Variants in NGB observed in about 807,000 individuals in gnomAD.
NGB encodes nitrite reductase.
A neutral mutation model predicts 17.3 loss-of-function variants in NGB; 12 were observed. That is an observed-to-expected ratio of 0.69 (90% CI 0.45 to 1.13). The LOEUF (loss-of-function observed/expected upper bound fraction) is 1.13, where lower values mean the gene tolerates loss of function less well. NGB is among the 50% of genes most tolerant of loss of function. The pLI, the probability that NGB is intolerant of heterozygous loss-of-function variation, is 0.00. For synonymous variants in NGB, 87 were observed against 81.0 expected (o/e 1.07, Z -0.40); for missense variants, 195 against 191.7 (o/e 1.02, Z -0.10).
At chr14:77,270,776 G>A (rs897354665) in intron 1 of NGB, 73 bp downstream of exon 1, 3 of 1,315,214 alleles carry the variant, frequency 2.3e-6, no homozygotes, top group African/African-American at 3.0e-5. Context: ...CTTCGGGGCC[G>A]GTCCTGCCGC....
rs1566636591 is a variant in NGB at position 77,266,576 on chromosome 14, GCCC to G, written c.413_415del (p.Gly138del). On this transcript the variant is annotated inframe_deletion, in exon 4 of 4. Transcript: ENST00000298352. ...GCCTCGACTCATGGCCTGCACTACG[GCCC>G]CGTAGAGTTGGCTCCAGGCAGCCCG... 1.9e-6 allele frequency: 3 copies of G among 1,614,148 alleles called. No homozygotes were observed. Among genetic ancestry groups the G allele is most frequent in the Non-Finnish European group, 2.5e-6 (3 of 1,180,028 alleles).
At chr14:77,268,012 CA>C (rs1889697065) in intron 3 of NGB, among the ~76,000 whole-genome samples, 1 of 152,266 alleles carries the variant, frequency 6.6e-6, no homozygotes, top group Non-Finnish European at 1.5e-5. Context: ...TGAATGACAA[CA>C]AATCACAGGG....
At position 77,266,515 on chromosome 14, in the gene NGB, G is replaced by C. The variant is rs1445259356; in HGVS notation, c.*21C>G. On this transcript the variant is annotated 3_prime_UTR_variant, in exon 4 of 4. Transcript: ENST00000298352. ...AACAGACAGACACAGATGGATGGGG[G>C]CTGCCGGGCGGGGTCGCCTCTTACT... The C allele has an allele frequency of 1.9e-6, 3 of 1,604,680 alleles. No individual in the cohort carries two copies. In the African/African-American group the frequency reaches 4.0e-5, roughly 21 times the overall value.
At chr14:77,270,537 G>A (rs902327642) in intron 1 of NGB, among the ~76,000 whole-genome samples, 1 of 152,230 alleles carries the variant, frequency 6.6e-6, no homozygotes, top group African/African-American at 2.4e-5. Flanking sequence ...GGGTGGAGGC[G>A]CCGCGCAGGG....
chr14:77,268,424 C>T (rs368885569), intron 3 of NGB, 42 bp downstream of exon 3: 17 of 1,599,832 alleles, frequency 1.1e-5, no homozygotes, highest in African/African-American at 2.7e-5. Flanking sequence ...GAAGTGGCCC[C>T]AGGCCAGGAG....
At chr14:77,269,485 C>T (rs940642473) in intron 1 of NGB, among the ~76,000 whole-genome samples, 159 bp from the exon 2 acceptor site, 1 of 152,122 alleles carries the variant, frequency 6.6e-6, no homozygotes, top group African/African-American at 2.4e-5. Context: ...CCGCCAGCTT[C>T]GGTAGTGCCC....
intron 2 of NGB, 73 bp downstream of exon 2, chr14:77,269,142 A>G: frequency 6.0e-6 from 6 of 993,902 alleles, no homozygotes; most frequent in Non-Finnish European, 9.3e-6. Context: ...GCAGAAAGTC[A>G]TTTTCTCCAT....
At chr14:77,269,637 T>C (rs999552995) in intron 1 of NGB, among the ~76,000 whole-genome samples, 13 of 150,906 alleles carry the variant, frequency 8.6e-5, no homozygotes, top group African/African-American at 3.2e-4. Flanking sequence ...ACAGGAAACC[T>C]GGAGTTACGT....
chr14:77,270,185 G>A (rs1889751453), intron 1 of NGB, among the ~76,000 whole-genome samples: 1 of 152,094 alleles, frequency 6.6e-6, no homozygotes, highest in African/African-American at 2.4e-5. Context: ...AGCAGTGCCC[G>A]GTTGGTGATA....
rs1256278651 is a variant in NGB at position 77,266,816 on chromosome 14, G to T, written c.322-146C>A. On this transcript the variant is annotated intron_variant, in intron 3 of 3. Transcript: ENST00000298352. ...ATTGAGTCCATGCTTCCTGAGCAGG[G>T]TCCTACCCAAATCCTTGGGTATCAC... 3 of 826,510 alleles carry T rather than the reference G, an allele frequency of 3.6e-6. No individual in the cohort carries two copies. In the East Asian group the frequency reaches 8.3e-5, roughly 23 times the overall value. 51.2% of individuals were successfully genotyped at this position (826,510 alleles called of 1,614,324 possible). A position where few individuals can be genotyped will look rare whatever the true frequency, so the allele number is the denominator to read the frequency against.
chr14:77,266,337 A>T lies in NGB; in HGVS notation c.*199T>A. 1 of 811,352 alleles carries T rather than the reference A, an allele frequency of 1.2e-6. No individual in the cohort carries two copies. Among genetic ancestry groups the T allele is most frequent in the Non-Finnish European group, 2.2e-6 (1 of 448,282 alleles). The allele number at this position is 811,352 out of a possible 1,614,324, so 50.3% of individuals were successfully genotyped here. On this transcript the variant is annotated 3_prime_UTR_variant, in exon 4 of 4. Transcript: ENST00000298352. Reference sequence around the variant, plus strand: ...TACTGGGGATGAGGGGACACCCAGAAGCCCCTTCCTGGAGGAAAAGCCACT... The same window carrying T: ...TACTGGGGATGAGGGGACACCCAGATGCCCCTTCCTGGAGGAAAAGCCACT...
intron 3 of NGB, 111 bp from the exon 4 acceptor site, chr14:77,266,781 C>T: frequency 8.1e-7 from 1 of 1,239,394 alleles, no homozygotes; most frequent in Non-Finnish European, 1.1e-6. Flanking sequence ...GGCCTTTTTT[C>T]CTCTCCTGCA....
chr14:77,266,457 C>T lies in NGB; in HGVS notation c.*79G>A. ...GGACAAGGACCAAGATGCAGGGAAGCTTGGGGAGCCTGGGCTACAACAGAT... is the reference window on the plus strand; with the variant it reads ...GGACAAGGACCAAGATGCAGGGAAGTTTGGGGAGCCTGGGCTACAACAGAT... On this transcript the variant is annotated 3_prime_UTR_variant, in exon 4 of 4. Transcript: ENST00000298352. 6.4e-7 allele frequency: 1 copy of T among 1,564,360 alleles called. No individual in the cohort carries two copies. The highest frequency in any genetic ancestry group is 8.7e-7 in the Non-Finnish European group (1 of 1,149,824).
rs550281167 is a variant in NGB, at chr14:77,267,514, C to T, written c.322-844G>A. 3.9e-5 allele frequency among the ~76,000 whole-genome samples: 6 copies of T among 152,186 alleles called. No individual in the cohort carries two copies. The South Asian group carries it at 1.2e-3, about 32-fold the overall frequency. ...TGTGATCACATCACTGTACTCCAGCCTAGGCGACAGAGCAAGATTCTGTCC... is the reference window on the plus strand; with the variant it reads ...TGTGATCACATCACTGTACTCCAGCTTAGGCGACAGAGCAAGATTCTGTCC... On this transcript the variant is annotated intron_variant, in intron 3 of 3. Coordinates refer to ENST00000298352, the MANE Select transcript of NGB (RefSeq NM_021257.4).
At chr14:77,268,376 G>A in intron 3 of NGB, 90 bp downstream of exon 3, 1 of 1,394,914 alleles carries the variant, frequency 7.2e-7, no homozygotes, top group Non-Finnish European at 9.8e-7. Flanking sequence ...TATGGGAATG[G>A]GAGAGAGAAC....
At chr14:77,270,739 C>G (rs1413594403) in intron 1 of NGB, 110 bp downstream of exon 1, 1 of 992,418 alleles carries the variant, frequency 1.0e-6, no homozygotes, top group Non-Finnish European at 1.5e-6. Flanking sequence ...GGCGCCCCAG[C>G]GCCCCGGCAG....
At position 77,269,187 on chromosome 14, in the gene NGB, G is replaced by A. The variant is rs759728507; in HGVS notation, c.201+28C>T. ...GGGAGGTGCTCTGCTGGATCCCAGA[G>A]GTCACAGCAGCTCTGCCTCCCTCTC... On this transcript the variant is annotated intron_variant, in intron 2 of 3. Coordinates refer to ENST00000298352, the MANE Select transcript of NGB (RefSeq NM_021257.4). 13 of 1,410,878 alleles carry A rather than the reference G, an allele frequency of 9.2e-6. No homozygotes were observed. In the East Asian group the frequency reaches 3.2e-4, roughly 35 times the overall value. The allele number at this position is 1,410,878 out of a possible 1,614,324, so 87.4% of individuals were successfully genotyped here.
intron 3 of NGB, 67 bp downstream of exon 3, chr14:77,268,399 G>A: frequency 6.5e-7 from 1 of 1,542,324 alleles, no homozygotes; most frequent in South Asian, 1.1e-5. Context: ...GTGGCAAGGG[G>A]AGGTCTGGGA....
intron 1 of NGB, among the ~76,000 whole-genome samples, chr14:77,269,788 TCCCTCTCCCC>T (rs1889738853): frequency 1.6e-4 from 8 of 48,612 alleles, no homozygotes; most frequent in South Asian, 1.2e-3. Flanking sequence ...TCTCTCCCTC[TCCCTCTCCCC>T]CCCCCCCCCC....
Sources: gnomAD v4.1 joint callset for allele counts (sites outside exome capture counted in the v4.1 genomes callset) on GRCh38, gnomAD v4.1.1 for gene constraint, MANE v1.5 for transcripts, NCBI Gene and HGNC (gene_info 2026-07-23, HGNC 2026-07-21) for gene names.